Variants in FN1 observed in about 807,000 individuals in gnomAD.
FN1 encodes the protein fibronectin.
A neutral mutation model predicts 297.3 loss-of-function variants in FN1; 106 were observed. The observed-to-expected ratio is 0.36, with a 90% CI of 0.30 to 0.42. The LOEUF is 0.42. Among genes scored for constraint, FN1 ranks in the 10% least tolerant of loss-of-function variants. The pLI is 1.00. For synonymous variants in FN1, 1,149 were observed against 1,152.6 expected (o/e 1.00, Z 0.06); for missense variants, 2,690 against 3,124.9 (o/e 0.86, Z 3.32).
intron 24 of FN1, among the ~76,000 whole-genome samples, chr2:215,393,925 G>C (rs1295540993): frequency 6.6e-6 from 1 of 151,996 alleles, no homozygotes; most frequent in Non-Finnish European, 1.5e-5. Context: ...GGACAAACAA[G>C]CCTATCCTTA....
At chr2:215,417,332 A>G (rs1297899755) in intron 12 of FN1, among the ~76,000 whole-genome samples, 1 of 152,254 alleles carries the variant, frequency 6.6e-6, no homozygotes, top group Admixed American at 6.5e-5. Context: ...CAATGTCTAC[A>G]CTTTTAAAAT....
Position 215,361,550 on chromosome 2 carries a change from A to ATGAT in FN1, c.*1_*4dup, listed in dbSNP as rs556448412. On this transcript the variant is annotated 3_prime_UTR_variant, in exon 46 of 46. Coordinates refer to ENST00000354785, the MANE Select transcript of FN1 (RefSeq NM_212482.4). Reference sequence around the variant, plus strand: ...ATGCTTGTTCCTCTGGATTGGAAAGATGATTTACTCTCGGGAATCTTCTCT... The same window carrying ATGAT: ...ATGCTTGTTCCTCTGGATTGGAAAGATGATTGATTTACTCTCGGGAATCTTCTCT... 255 of 1,594,634 alleles carry ATGAT rather than the reference A, an allele frequency of 1.6e-4. 1 individual carries two copies. The African/African-American group carries it at 3.1e-3, about 20-fold the overall frequency.
chr2:215,414,776 A>T, intron 13 of FN1, 61 bp downstream of exon 13: 1 of 1,604,148 alleles, frequency 6.2e-7, no homozygotes. Context: ...AAAAAAAGAA[A>T]CCATCAGAAT....
intron 20 of FN1, among the ~76,000 whole-genome samples, chr2:215,401,272 GAAAGGA>G (rs2061112601): frequency 5.6e-5 from 4 of 71,974 alleles, no homozygotes; most frequent in African/African-American, 2.0e-4. Context: ...GGAAGGAAAG[GAAAGGA>G]AAGGAAGAAA....
chr2:215,361,646 A>G lies in FN1; in HGVS notation c.7363-20T>C. ...AACATTCTGTTAAAAAGGAAGAAGG[A>G]AAAAAAAATTAGTGGCAAATACTGT... On this transcript the variant is annotated intron_variant, in intron 45 of 45. Transcript: ENST00000354785. The G allele has an allele frequency of 1.9e-6, 3 of 1,562,132 alleles. No homozygotes were observed. Among genetic ancestry groups the G allele is most frequent in the South Asian group, 2.2e-5 (2 of 90,024 alleles).
chr2:215,397,166 G>A lies in FN1; in HGVS notation c.3575C>T (p.Thr1192Ile). The A allele has an allele frequency of 6.2e-7, 1 of 1,613,836 alleles. No homozygotes were observed. The highest frequency in any genetic ancestry group is 8.5e-7 in the Non-Finnish European group (1 of 1,179,746). Residue 1192 changes from threonine to isoleucine, a missense_variant, in exon 23 of 46, where the codon ACA becomes ATA. Physicochemically the swap from Thr to Ile is moderately conservative, Grantham distance 89 (BLOSUM62 -1). This residue lies in a region of FN1 where 1,743 missense variants were observed against 1,945.2 expected (regional missense o/e 0.90). Transcript: ENST00000354785. Reference protein sequence around the residue: ...LEANPDTGVLTVSWERSTTPD... With the variant: ...LEANPDTGVLIVSWERSTTPD... Reference sequence around the variant, plus strand: ...GGTGGTGCTCCTCTCCCAGGAGACTGTGAGCACTCCAGTGTCAGGGTTTGC... The same window carrying A: ...GGTGGTGCTCCTCTCCCAGGAGACTATGAGCACTCCAGTGTCAGGGTTTGC...
At chr2:215,392,349 G>A (rs1293616387) in intron 25 of FN1, 1 of 180,660 alleles carries the variant, frequency 5.5e-6, no homozygotes, top group Non-Finnish European at 1.2e-5. Flanking sequence ...CCTTTAAAAT[G>A]TTGCATGCTT....
intron 38 of FN1, among the ~76,000 whole-genome samples, chr2:215,373,721 C>T (rs1408024263): frequency 6.9e-6 from 1 of 145,420 alleles, no homozygotes; most frequent in African/African-American, 2.6e-5. Flanking sequence ...GCTCTGTCAC[C>T]CAGGCTGGAG....
At chr2:215,417,421 T>A (rs996788472) in intron 12 of FN1, among the ~76,000 whole-genome samples, 1 of 152,224 alleles carries the variant, frequency 6.6e-6, no homozygotes, top group Non-Finnish European at 1.5e-5. Flanking sequence ...ATTTTTTGAC[T>A]CAGTCCTTTT....
At chr2:215,363,042 T>A (rs1191446024) in intron 44 of FN1, 1 of 152,176 alleles carries the variant, frequency 6.6e-6, no homozygotes, top group Non-Finnish European at 1.5e-5. Flanking sequence ...CTTTTTTATA[T>A]TAGAATTTAA....
rs566884127 is a variant in FN1, at chr2:215,375,860, G to T, written c.5888-142C>A. 3.6e-5 allele frequency: 25 copies of T among 696,856 alleles called. No individual in the cohort carries two copies. In the East Asian group the frequency reaches 6.8e-4, roughly 19 times the overall value. The allele number at this position is 696,856 out of a possible 1,614,324, so 43.2% of individuals were successfully genotyped here. A position where few individuals can be genotyped will look rare whatever the true frequency, so the allele number is the denominator to read the frequency against. On this transcript the variant is annotated intron_variant, in intron 36 of 45. Coordinates refer to ENST00000354785, the MANE Select transcript of FN1 (RefSeq NM_212482.4). Reference sequence around the variant, plus strand: ...AAGTGGTCCACATTTGAACAGTAAAGTAGAGCATGCTATGGATGTTAACTG... The same window carrying T: ...AAGTGGTCCACATTTGAACAGTAAATTAGAGCATGCTATGGATGTTAACTG...
chr2:215,413,253 G>C (rs2062941619), intron 13 of FN1, among the ~76,000 whole-genome samples: 1 of 152,094 alleles, frequency 6.6e-6, no homozygotes, highest in African/African-American at 2.4e-5. Flanking sequence ...TGAGGAGCTG[G>C]GACTACAGGC....
Position 215,392,929 on chromosome 2 carries a change from A to C in FN1, c.4069+2T>G, listed in dbSNP as rs1287260388. On this transcript the variant is annotated splice_donor_variant, in intron 25 of 45. Coordinates refer to ENST00000354785, the MANE Select transcript of FN1 (RefSeq NM_212482.4). LOFTEE classifies it high-confidence loss of function. ...TCAAACGCAGAAGTTTTCAAAATTC[A>C]CCCGTTTGTTGTGTCAGTGTAGTAG... is the stretch of plus-strand genomic sequence containing the variant. 2 of 1,612,336 alleles carry C rather than the reference A, an allele frequency of 1.2e-6. No homozygotes were observed. The highest frequency in any genetic ancestry group is 1.7e-6 in the Non-Finnish European group (2 of 1,179,970).
At chr2:215,369,182 C>A (rs2055300127) in intron 41 of FN1, among the ~76,000 whole-genome samples, 1 of 149,358 alleles carries the variant, frequency 6.7e-6, no homozygotes. Flanking sequence ...AGTTCAAATT[C>A]CATCCTAACT....
In FN1 at chr2:215,410,013, G is replaced by T; in HGVS notation, c.2043C>A (p.Leu681=). The T allele has an allele frequency of 1.2e-6, 2 of 1,614,048 alleles. No homozygotes were observed. The highest frequency in any genetic ancestry group is 1.7e-6 in the Non-Finnish European group (2 of 1,180,022). Residue 681 remains leucine, a synonymous_variant, in exon 14 of 46, where the codon CTC becomes CTA. Coordinates refer to ENST00000354785, the MANE Select transcript of FN1 (RefSeq NM_212482.4). ...LKPGVVYEGQ[L]ISIQQYGHQE... is the part of the protein sequence containing the mutation. ...GGTGGCCGTACTGCTGGATGCTGAT[G>T]AGCTGGCCCTCGTATACCACACCAG...
rs889180121 is a variant in FN1 at position 215,432,031 on chromosome 2, C to T, written c.416-67G>A. The T allele has an allele frequency of 8.8e-6, 14 of 1,599,712 alleles. No homozygotes were observed. The African/African-American group carries it at 1.6e-4, about 18-fold the overall frequency. On this transcript the variant is annotated intron_variant, in intron 3 of 45. Transcript: ENST00000354785. Reference sequence around the variant, plus strand: ...GATTTTTTTTTTTGGTCTCATATTCCACCCATGGTAGGTACTTAGGTTGGC... The same window carrying T: ...GATTTTTTTTTTTGGTCTCATATTCTACCCATGGTAGGTACTTAGGTTGGC...
chr2:215,404,312 T>TGG, intron 20 of FN1, 77 bp downstream of exon 20: 1 of 1,333,914 alleles, frequency 7.5e-7, no homozygotes, highest in Non-Finnish European at 1.0e-6. Flanking sequence ...TTTTTTGTTT[T>TGG]GTTTTGTTTT....
intron 44 of FN1, chr2:215,363,201 C>T (rs1171671874): frequency 2.0e-5 from 3 of 152,066 alleles, no homozygotes; most frequent in Non-Finnish European, 4.4e-5. Flanking sequence ...TTTCATTTAG[C>T]ACTTGAGAAT....
chr2:215,433,616 T>C (rs528448725), intron 2 of FN1, among the ~76,000 whole-genome samples, 155 bp from the exon 3 acceptor site: 1 of 152,242 alleles, frequency 6.6e-6, no homozygotes, highest in African/African-American at 2.4e-5. Context: ...ATTTTTATCC[T>C]AAGCTCTAAT....
Sources: allele counts gnomAD v4.1 joint callset (sites outside exome capture counted in the v4.1 genomes callset), GRCh38; gene constraint gnomAD v4.1.1; regional missense constraint gnomAD v4.1.1; transcripts MANE v1.5; gene names NCBI Gene and HGNC (gene_info 2026-07-23, HGNC 2026-07-21).